Variants in PTGER1 observed in about 807,000 individuals in gnomAD.
The protein encoded by PTGER1 is prostaglandin E receptor 1, also known as prostaglandin E2 receptor EP1 subtype.
A neutral mutation model predicts 18.5 loss-of-function variants in PTGER1; 15 were observed. The observed-to-expected ratio is 0.81, with a 90% CI of 0.54 to 1.25. The LOEUF is 1.25. Among genes scored for constraint, PTGER1 ranks in the 50% most tolerant of loss-of-function variants. The pLI is 0.00. For synonymous variants in PTGER1, 339 were observed against 308.4 expected (o/e 1.10, Z -1.04); for missense variants, 567 against 603.4 (o/e 0.94, Z 0.63).
At chr19:14,475,232 A>G (rs28364039) in intron 1 of PTGER1, 30 bp downstream of exon 1, 15,665 of 152,818 alleles carry the variant, frequency 0.1, 1,088 homozygotes, top group African/African-American at 0.2. Flanking sequence ...CTCCTCCCCA[A>G]TCAGGGACCC....
Position 14,474,221 on chromosome 19 carries a change from C to A in PTGER1, c.100G>T (p.Ala34Ser), listed in dbSNP as rs1205381772. 1.3e-6 allele frequency: 2 copies of A among 1,526,456 alleles called. No individual in the cohort carries two copies. The highest frequency in any genetic ancestry group is 1.2e-5 in the South Asian group (1 of 83,628). The allele number at this position is 1,526,456 out of a possible 1,614,324, so 94.6% of individuals were successfully genotyped here. ...GAGAAGATGGGCAGCGCGGGCGAAGCGCCCGACGGCGGCACGGCCGACGTG... is the reference window on the plus strand; with the variant it reads ...GAGAAGATGGGCAGCGCGGGCGAAGAGCCCGACGGCGGCACGGCCGACGTG... ...PNTSAVPPSG[A>S]SPALPIFSMT... Residue 34 changes from alanine (A) to serine (S), a missense_variant, in exon 2 of 3, where the codon GCT becomes TCT. Ala to Ser is a moderately conservative substitution (Grantham distance 99). Transcript: ENST00000292513. The surrounding 1 kb of genome is among the most constrained non-coding windows in gnomAD (Gnocchi z 5.4).
At position 14,473,472 on chromosome 19, in the gene PTGER1, G is replaced by T; in HGVS notation, c.849C>A (p.Gly283=). 6.3e-7 allele frequency: 1 copy of T among 1,590,542 alleles called. No homozygotes were observed. The highest frequency in any genetic ancestry group is 2.3e-5 in the East Asian group (1 of 43,562). ...STFFGGSRSS[G]SARRARAHDV... ...CGTGGGCGCGAGCTCTGCGTGCCGA[G>T]CCGCTGCTCCGAGAGCCGCCAAAGA... Residue 283 remains glycine, a synonymous_variant, in exon 2 of 3, where the codon GGC becomes GGA. Coordinates refer to ENST00000292513, the MANE Select transcript of PTGER1 (RefSeq NM_000955.3). The surrounding 1 kb of genome is among the most constrained non-coding windows in gnomAD (Gnocchi z 7.1).
In PTGER1 at chr19:14,473,285, TGGA is replaced by T; in HGVS notation, c.942+91_942+93del. The T allele has an allele frequency of 6.6e-7, 1 of 1,514,158 alleles. No homozygotes were observed. The highest frequency in any genetic ancestry group is 8.8e-7 in the Non-Finnish European group (1 of 1,136,848). The allele number at this position is 1,514,158 out of a possible 1,614,324, so 93.8% of individuals were successfully genotyped here. A position where few individuals can be genotyped will look rare whatever the true frequency, so the allele number is the denominator to read the frequency against. On this transcript the variant is annotated intron_variant, in intron 2 of 2. Transcript: ENST00000292513. The surrounding 1 kb of genome is among the most constrained non-coding windows in gnomAD (Gnocchi z 7.1). Reference sequence around the variant, plus strand: ...GCCGGGGCCTTGGTTGAGTCCAGGATGGAGGCCCCAGGTGTCCTGGGACGACAA... The same window carrying T: ...GCCGGGGCCTTGGTTGAGTCCAGGATGGCCCCAGGTGTCCTGGGACGACAA...
rs373218662 is a variant in PTGER1, at chr19:14,472,611, C to T, written c.1158G>A (p.Trp386Ter). 1 of 1,601,808 alleles carries T rather than the reference C, an allele frequency of 6.2e-7. No homozygotes were observed. Among genetic ancestry groups the T allele is most frequent in the Non-Finnish European group, 8.5e-7 (1 of 1,175,680 alleles). ...PAGLGLTPSAWEASSLRSSRH... is the reference protein window; with the variant it reads ...PAGLGLTPSA Reference sequence around the variant, plus strand: ...GGGAGCTGCGCAGCGAGCTGGCCTCCCAGGCGCTCGGTGTTAGGCCCAGCC... The same window carrying T: ...GGGAGCTGCGCAGCGAGCTGGCCTCTCAGGCGCTCGGTGTTAGGCCCAGCC... The change falls in exon 3 of 3, where the codon TGG (tryptophan) becomes TGA (stop). Residue 386 changes from tryptophan to a stop codon, truncating the protein, a stop_gained. Coordinates refer to ENST00000292513, the MANE Select transcript of PTGER1 (RefSeq NM_000955.3). LOFTEE classifies it high-confidence loss of function.
In PTGER1 at chr19:14,474,824, TC is replaced by T. The variant is rs1306967837; in HGVS notation, c.-18+437del. 6.6e-6 allele frequency among the ~76,000 whole-genome samples: 1 copy of T among 152,004 alleles called. No individual in the cohort carries two copies. Among genetic ancestry groups the T allele is most frequent in the African/African-American group, 2.4e-5 (1 of 41,370 alleles). On this transcript the variant is annotated intron_variant, in intron 1 of 2. Coordinates refer to ENST00000292513, the MANE Select transcript of PTGER1 (RefSeq NM_000955.3). This position sits in a 1 kb window ranked among gnomAD's most constrained non-coding sequence, Gnocchi z 5.4. ...CCCCATCTCTACCACCACGGGCACA[TC>T]TCTCCCCACGGCCATGTCCCTGTCC... is the stretch of plus-strand genomic sequence containing the variant.
rs1203257682 is a variant in PTGER1, at chr19:14,474,148, G to T, written c.173C>A (p.Ala58Glu). The T allele has an allele frequency of 2.1e-6, 3 of 1,451,818 alleles. No homozygotes were observed. Among genetic ancestry groups the T allele is most frequent in the African/African-American group, 3.0e-5 (2 of 66,444 alleles). The allele number at this position is 1,451,818 out of a possible 1,614,324, so 89.9% of individuals were successfully genotyped here. A position where few individuals can be genotyped will look rare whatever the true frequency, so the allele number is the denominator to read the frequency against. ...GCGTCGCAGGCGGCCCGCGGCCTGC[G>T]CCAGCAGCGCCAGCGCCAGCAGGTT... Reference protein sequence around the residue: ...VSNLLALALLAQAAGRLRRRR... With the variant: ...VSNLLALALLEQAAGRLRRRR... Residue 58 changes from alanine (A) to glutamate (E), a missense_variant, in exon 2 of 3, where the codon GCG becomes GAG. Coordinates refer to ENST00000292513, the MANE Select transcript of PTGER1 (RefSeq NM_000955.3). This position sits in a 1 kb window ranked among gnomAD's most constrained non-coding sequence, Gnocchi z 5.4.
Position 14,473,959 on chromosome 19 carries a change from C to T in PTGER1, c.362G>A (p.Gly121Asp). ...ACAGCCCAGCAGCAGCGGGCACAGGCCGAAGAAGACCATGCAGCCGCCCAG... is the reference window on the plus strand; with the variant it reads ...ACAGCCCAGCAGCAGCGGGCACAGGTCGAAGAAGACCATGCAGCCGCCCAG... The part of the protein sequence containing the change: ...HFLGGCMVFF[G>D]LCPLLLGCGM... The change falls in exon 2 of 3, where the codon GGC becomes GAC. Residue 121 changes from glycine to aspartate, a missense_variant. Coordinates refer to ENST00000292513, the MANE Select transcript of PTGER1 (RefSeq NM_000955.3). This position sits in a 1 kb window ranked among gnomAD's most constrained non-coding sequence, Gnocchi z 7.1. The T allele has an allele frequency of 6.7e-7, 1 of 1,491,318 alleles. No individual in the cohort carries two copies. Among genetic ancestry groups the T allele is most frequent in the Non-Finnish European group, 8.9e-7 (1 of 1,125,038 alleles). 92.4% of individuals were successfully genotyped at this position (1,491,318 alleles called of 1,614,324 possible). A position where few individuals can be genotyped will look rare whatever the true frequency, so the allele number is the denominator to read the frequency against.
rs1599338900 is a variant in PTGER1, at chr19:14,472,790, T to C, written c.979A>G (p.Thr327Ala). ...AGGAACAGTGGCCGCTGCAGGGAGG[T>C]AGAGCTCCAGCCGCCGACGGCCAGC... ...VALAVGGWSSTSLQRPLFLAV... is the reference protein window; with the variant it reads ...VALAVGGWSSASLQRPLFLAV... The change falls in exon 3 of 3, where the codon ACC (threonine) becomes GCC (alanine). Residue 327 changes from threonine to alanine, a missense_variant. Transcript: ENST00000292513. 3.2e-6 allele frequency: 5 copies of C among 1,567,080 alleles called. No homozygotes were observed. The highest frequency in any genetic ancestry group is 1.4e-5 in the African/African-American group (1 of 73,260).
At position 14,475,098 on chromosome 19, in the gene PTGER1, C is replaced by A. The variant is rs571209557; in HGVS notation, c.-18+164G>T. Reference sequence around the variant, plus strand: ...GTGAGGGCTGAAAGGGCGGAACTGCCCACCAGGCCAGATGGGAAGGGAGGA... The same window carrying A: ...GTGAGGGCTGAAAGGGCGGAACTGCACACCAGGCCAGATGGGAAGGGAGGA... On this transcript the variant is annotated intron_variant, in intron 1 of 2. Transcript: ENST00000292513. Among the ~76,000 whole-genome samples, 5 of 152,222 alleles carry A rather than the reference C, an allele frequency of 3.3e-5. No individual in the cohort carries two copies. In the East Asian group the frequency reaches 9.6e-4, roughly 29 times the overall value.
chr19:14,474,309 G>A lies in PTGER1; in HGVS notation c.12C>T (p.Cys4=). The change falls in exon 2 of 3, where the codon TGC becomes TGT. Residue 4 remains cysteine (C), a synonymous_variant. Transcript: ENST00000292513. The surrounding 1 kb of genome is among the most constrained non-coding windows in gnomAD (Gnocchi z 5.4). ...CCGCCAGGCTCAGGTTGAGGGGCCC[G>A]CAAGGGCTCATGTCAGGCGCCAGGG... MSP[C]GPLNLSLAGE... is the part of the protein sequence containing the mutation. The A allele has an allele frequency of 1.3e-6, 2 of 1,527,900 alleles. No individual in the cohort carries two copies. Among genetic ancestry groups the A allele is most frequent in the Non-Finnish European group, 1.7e-6 (2 of 1,143,744 alleles). 94.6% of individuals were successfully genotyped at this position (1,527,900 alleles called of 1,614,324 possible). A position where few individuals can be genotyped will look rare whatever the true frequency, so the allele number is the denominator to read the frequency against.
In PTGER1 at chr19:14,473,341, G is replaced by A. The variant is rs758964471; in HGVS notation, c.942+38C>T. On this transcript the variant is annotated intron_variant, in intron 2 of 2. Transcript: ENST00000292513. The surrounding 1 kb of genome is among the most constrained non-coding windows in gnomAD (Gnocchi z 7.1). ...GGCGGGAGGGTGCCGAGAGGGAGCG[G>A]GAAGGAGCGTGGCTCGAGGGGCCGG... 3.9e-6 allele frequency: 6 copies of A among 1,552,892 alleles called. No individual in the cohort carries two copies. The highest frequency in any genetic ancestry group is 3.8e-5 in the Admixed American group (2 of 52,298).
Position 14,472,708 on chromosome 19 carries a change from A to G in PTGER1, c.1061T>C (p.Leu354Pro). ...QILDPWVYIL[L>P]RQAVLRQLLR... ...CAGTTGGCGCAGCACGGCCTGGCGC[A>G]GTAGGATGTACACCCAAGGGTCCAG... Residue 354 changes from leucine to proline, a missense_variant, in exon 3 of 3, where the codon CTG becomes CCG. Physicochemically the swap from Leu to Pro is moderately conservative, Grantham distance 98 (BLOSUM62 -3). Transcript: ENST00000292513. 1 of 1,611,866 alleles carries G rather than the reference A, an allele frequency of 6.2e-7. No individual in the cohort carries two copies. The highest frequency in any genetic ancestry group is 1.1e-5 in the South Asian group (1 of 90,860).
Position 14,473,851 on chromosome 19 carries a change from G to A in PTGER1, c.470C>T (p.Ala157Val). ...GGCCACCGCGGCCACCGCGGCCAGC[G>A]CCAGGCGCGCGCGGGCGACCGAGAC... ...ARVSVARARL[A>V]LAAVAAVALA... Residue 157 changes from alanine to valine, a missense_variant, in exon 2 of 3, where the codon GCG becomes GTG. Physicochemically the swap from Ala to Val is moderately conservative, Grantham distance 64 (BLOSUM62 0). Coordinates refer to ENST00000292513, the MANE Select transcript of PTGER1 (RefSeq NM_000955.3). The surrounding 1 kb of genome is among the most constrained non-coding windows in gnomAD (Gnocchi z 7.1). The A allele has an allele frequency of 1.6e-6, 2 of 1,232,006 alleles. No individual in the cohort carries two copies. Among genetic ancestry groups the A allele is most frequent in the Non-Finnish European group, 2.0e-6 (2 of 992,960 alleles). 76.3% of individuals were successfully genotyped at this position (1,232,006 alleles called of 1,614,324 possible).
chr19:14,475,117 G>A (rs1599340558), intron 1 of PTGER1, 145 bp downstream of exon 1: 3 of 152,782 alleles, frequency 2.0e-5, no homozygotes, highest in African/African-American at 7.2e-5. Flanking sequence ...CAGATGGGAA[G>A]GGAGGATGGA....
At position 14,474,739 on chromosome 19, in the gene PTGER1, G is replaced by A. The variant is rs560471272; in HGVS notation, c.-17-402C>T. Among the ~76,000 whole-genome samples the A allele has an allele frequency of 3.2e-4, 49 of 152,022 alleles. No homozygotes were observed. The highest frequency in any genetic ancestry group is 1.1e-3 in the African/African-American group (47 of 41,432). Reference sequence around the variant, plus strand: ...ATAGCTCTCACCCATTTCTGCCACTGTGGCCCTACCTGACTTTCCCCATGT... The same window carrying A: ...ATAGCTCTCACCCATTTCTGCCACTATGGCCCTACCTGACTTTCCCCATGT... On this transcript the variant is annotated intron_variant, in intron 1 of 2. Coordinates refer to ENST00000292513, the MANE Select transcript of PTGER1 (RefSeq NM_000955.3). This position sits in a 1 kb window ranked among gnomAD's most constrained non-coding sequence, Gnocchi z 5.4.
intron 2 of PTGER1, 96 bp from the exon 3 acceptor site, chr19:14,472,922 A>G: frequency 7.9e-7 from 1 of 1,258,962 alleles, no homozygotes; most frequent in East Asian, 2.6e-5. Flanking sequence ...GCCTGGGAGG[A>G]GGGGCGAGCC....
Position 14,474,127 on chromosome 19 carries a change from C to A in PTGER1, c.194G>T (p.Arg65Leu). The change falls in exon 2 of 3, where the codon CGA becomes CTA. Residue 65 changes from arginine to leucine, a missense_variant. Physicochemically the swap from Arg to Leu is moderately radical, Grantham distance 102 (BLOSUM62 -2). Coordinates refer to ENST00000292513, the MANE Select transcript of PTGER1 (RefSeq NM_000955.3). This position sits in a 1 kb window ranked among gnomAD's most constrained non-coding sequence, Gnocchi z 5.4. ...ALLAQAAGRL[R>L]RRRSAATFLL... ...GAAGGTGGCGGCCGAGCGGCGGCGT[C>A]GCAGGCGGCCCGCGGCCTGCGCCAG... The A allele has an allele frequency of 7.0e-7, 1 of 1,434,758 alleles. No homozygotes were observed. The highest frequency in any genetic ancestry group is 1.4e-5 in the South Asian group (1 of 71,322). 88.9% of individuals were successfully genotyped at this position (1,434,758 alleles called of 1,614,324 possible).
rs2071598729 is a variant in PTGER1 at position 14,474,931 on chromosome 19, G to T, written c.-18+331C>A. ...ATCTCTGCCCCTGCCCCATGGACCT[G>T]CCTCTGCTCCACTGCGGTCTCTCGC... On this transcript the variant is annotated intron_variant, in intron 1 of 2. Coordinates refer to ENST00000292513, the MANE Select transcript of PTGER1 (RefSeq NM_000955.3). This position sits in a 1 kb window ranked among gnomAD's most constrained non-coding sequence, Gnocchi z 5.4. Among the ~76,000 whole-genome samples the T allele has an allele frequency of 6.6e-6, 1 of 152,082 alleles. No homozygotes were observed. Among genetic ancestry groups the T allele is most frequent in the African/African-American group, 2.4e-5 (1 of 41,420 alleles).
chr19:14,474,361 A>G lies in PTGER1; in HGVS notation c.-17-24T>C. ...TGCTGGATAGAGGAGAGGAGGGCAG[A>G]GTGAGGCTGGCTGGGCCCGGGCGGG... On this transcript the variant is annotated intron_variant, in intron 1 of 2. Coordinates refer to ENST00000292513, the MANE Select transcript of PTGER1 (RefSeq NM_000955.3). This position sits in a 1 kb window ranked among gnomAD's most constrained non-coding sequence, Gnocchi z 5.4. 6.8e-7 allele frequency: 1 copy of G among 1,464,968 alleles called. No individual in the cohort carries two copies. The highest frequency in any genetic ancestry group is 9.0e-7 in the Non-Finnish European group (1 of 1,116,046). 90.7% of individuals were successfully genotyped at this position (1,464,968 alleles called of 1,614,324 possible).
Sources: allele counts gnomAD v4.1 joint callset (sites outside exome capture counted in the v4.1 genomes callset), GRCh38; gene constraint gnomAD v4.1.1; non-coding constraint Gnocchi (gnomAD v3.1); transcripts MANE v1.5; gene names NCBI Gene and HGNC (gene_info 2026-07-23, HGNC 2026-07-21).